Variants in PLEKHH2 observed in about 807,000 individuals in gnomAD.
PLEKHH2 encodes the protein pleckstrin homology, MyTH4 and FERM domain containing H2, also known as pleckstrin homology domain-containing family H member 2.
In PLEKHH2, 129 loss-of-function variants were observed where a neutral mutation model predicts 187.9. The observed-to-expected ratio is 0.69, with a 90% CI of 0.59 to 0.79. The LOEUF (loss-of-function observed/expected upper bound fraction) is 0.79. PLEKHH2 is among the 30% of genes least tolerant of loss of function. The probability of loss-of-function intolerance (pLI) is 0.00; values close to 1 mark genes in which losing one functional copy is unlikely to be tolerated. For synonymous variants in PLEKHH2, 686 were observed against 605.6 expected (o/e 1.13, Z -1.95); for missense variants, 2,076 against 1,751.2 (o/e 1.19, Z -3.31).
At chr2:43,712,161 G>T in intron 14 of PLEKHH2, 64 bp from the exon 15 acceptor site, 1 of 1,551,224 alleles carries the variant, frequency 6.4e-7, no homozygotes, top group South Asian at 1.1e-5. Flanking sequence ...TAATGAACAA[G>T]GAAATGCTAA....
In PLEKHH2 at chr2:43,700,283, G is replaced by C; in HGVS notation, c.1325G>C (p.Arg442Thr). 4 of 1,614,054 alleles carry C rather than the reference G, an allele frequency of 2.5e-6. No individual in the cohort carries two copies. Among genetic ancestry groups the C allele is most frequent in the Non-Finnish European group, 3.4e-6 (4 of 1,179,980 alleles). Residue 442 changes from arginine to threonine, a missense_variant, in exon 8 of 30, where the codon AGG becomes ACG. Physicochemically the swap from Arg to Thr is moderately conservative, Grantham distance 71. Transcript: ENST00000282406. The stretch of plus-strand genomic sequence containing the variant: ...TCACACCTGCCACCCCCAAAGTTAA[G>C]GATTCCTAATGTTTTCAGTATAAGT... ...PSSHLPPPKLRIPNVFSISVA... is the reference protein window; with the variant it reads ...PSSHLPPPKLTIPNVFSISVA...
At chr2:43,743,057 C>G in intron 22 of PLEKHH2, 139 bp downstream of exon 22, 1 of 620,378 alleles carries the variant, frequency 1.6e-6, no homozygotes, top group Non-Finnish European at 2.4e-6. Context: ...ACTATCAGAA[C>G]AGCTGAGTTT....
chr2:43,724,386 C>G (rs935111968), intron 16 of PLEKHH2, among the ~76,000 whole-genome samples: 1 of 152,202 alleles, frequency 6.6e-6, no homozygotes, highest in Non-Finnish European at 1.5e-5. Context: ...ACTCCAATTG[C>G]AAACTTGGCC....
chr2:43,761,257 T>G (rs1425170673), intron 27 of PLEKHH2, among the ~76,000 whole-genome samples: 1 of 152,208 alleles, frequency 6.6e-6, no homozygotes, highest in African/African-American at 2.4e-5. Context: ...TAAGATTTTT[T>G]TTAGGATTTC....
At chr2:43,735,632 A>T (rs1671255511) in intron 19 of PLEKHH2, among the ~76,000 whole-genome samples, 1 of 152,210 alleles carries the variant, frequency 6.6e-6, no homozygotes, top group African/African-American at 2.4e-5. Flanking sequence ...GGGTATCCCA[A>T]TTCCCTTGAT....
chr2:43,654,564 C>CT (rs35454431), intron 2 of PLEKHH2, among the ~76,000 whole-genome samples: 25,093 of 126,192 alleles, frequency 0.2, 2,901 homozygotes, highest in African/African-American at 0.28. Context: ...AACTCCTTAA[C>CT]TTTTTTTTTT....
intron 15 of PLEKHH2, among the ~76,000 whole-genome samples, chr2:43,717,353 G>T (rs1218199238): frequency 6.6e-6 from 1 of 152,198 alleles, no homozygotes; most frequent in Non-Finnish European, 1.5e-5. Context: ...AGGAGGCAGA[G>T]GTTGCAGTGA....
intron 20 of PLEKHH2, among the ~76,000 whole-genome samples, chr2:43,739,002 C>A (rs2104589400): frequency 6.6e-6 from 1 of 152,286 alleles, no homozygotes; most frequent in South Asian, 2.1e-4. Context: ...AGCAATTCTC[C>A]TGCCTCAGCC....
chr2:43,757,148 C>G lies in PLEKHH2; in HGVS notation c.3825C>G (p.Phe1275Leu). The change falls in exon 26 of 30, where the codon TTC (phenylalanine) becomes TTG (leucine). Residue 1275 changes from phenylalanine to leucine, a missense_variant. Phe to Leu is a conservative substitution (Grantham distance 22, BLOSUM62 0). Coordinates refer to ENST00000282406, the MANE Select transcript of PLEKHH2 (RefSeq NM_172069.4). ...QVEIGDFERP[F>L]STPAGHVTNQ... ...AGATTGGAGATTTTGAAAGACCTTT[C>G]TCAACTCCAGCAGGGCATGTTACCA... 6.3e-7 allele frequency: 1 copy of G among 1,587,478 alleles called. No individual in the cohort carries two copies. The highest frequency in any genetic ancestry group is 2.3e-5 in the East Asian group (1 of 43,352).
At position 43,692,580 on chromosome 2, in the gene PLEKHH2, TATA is replaced by T. The variant is rs1490079790; in HGVS notation, c.258_260del (p.Asn86del). The T allele has an allele frequency of 1.9e-6, 3 of 1,604,690 alleles. No homozygotes were observed. Among genetic ancestry groups the T allele is most frequent in the South Asian group, 1.1e-5 (1 of 90,666 alleles). ...AACCAGTGAATCAGAGACAAGATTA[TATA>T]ATAAGTGTCAAGATCTGGAGTCGCT... On this transcript the variant is annotated inframe_deletion, in exon 4 of 30. Transcript: ENST00000282406.
chr2:43,709,750 C>G (rs372356365), intron 11 of PLEKHH2, among the ~76,000 whole-genome samples: 1 of 152,132 alleles, frequency 6.6e-6, no homozygotes, highest in African/African-American at 2.4e-5. Flanking sequence ...GCGGGAGAAT[C>G]GCTTGAACCC....
rs777416612 is a variant in PLEKHH2, at chr2:43,729,688, G to A, written c.2773G>A (p.Val925Ile). Residue 925 changes from valine (V) to isoleucine (I), a missense_variant, in exon 18 of 30, where the codon GTT becomes ATT. Transcript: ENST00000282406. ...TVAAGSNNVN[V>I]GSEFEQLVCK... is the part of the protein sequence containing the mutation. ...TGCAGCTGGAAGCAACAATGTAAAC[G>A]TTGGATCTGAATTTGAACAACTGGT... 19 of 1,609,756 alleles carry A rather than the reference G, an allele frequency of 1.2e-5. No homozygotes were observed. The highest frequency in any genetic ancestry group is 5.4e-5 in the African/African-American group (4 of 74,712).
Position 43,700,247 on chromosome 2 carries a change from T to TC in PLEKHH2, c.1289_1290insC (p.Leu430PhefsTer16). 1 of 1,614,142 alleles carries TC rather than the reference T, an allele frequency of 6.2e-7. No homozygotes were observed. Among genetic ancestry groups the TC allele is most frequent in the Non-Finnish European group, 8.5e-7 (1 of 1,180,022 alleles). ...TCACTCTCTGGAAAAGGAACACAAT[T>TC]AGTGCCTTCATCACACCTGCCACCC... On this transcript the variant is annotated frameshift_variant, in exon 8 of 30. Coordinates refer to ENST00000282406, the MANE Select transcript of PLEKHH2 (RefSeq NM_172069.4). LOFTEE classifies it high-confidence loss of function.
At chr2:43,760,589 C>T (rs115958645) in intron 27 of PLEKHH2, among the ~76,000 whole-genome samples, 1,961 of 152,234 alleles carry the variant, frequency 0.013, 40 homozygotes, top group African/African-American at 0.045. Context: ...TCTCGAACTC[C>T]TGATCTGAAG....
chr2:43,762,573 C>T (rs956155600), intron 28 of PLEKHH2, among the ~76,000 whole-genome samples, 183 bp downstream of exon 28: 13 of 152,110 alleles, frequency 8.5e-5, no homozygotes, highest in Non-Finnish European at 1.0e-4. Context: ...CCTTTTAAAA[C>T]AAGATAAGAC....
intron 24 of PLEKHH2, among the ~76,000 whole-genome samples, chr2:43,750,215 G>A (rs1052740246): frequency 1.3e-5 from 2 of 152,210 alleles, no homozygotes; most frequent in African/African-American, 4.8e-5. Flanking sequence ...GCTCACGCCT[G>A]TAATCCCAGC....
At chr2:43,693,702 CGACT>C in intron 4 of PLEKHH2, among the ~76,000 whole-genome samples, 2 of 107,910 alleles carry the variant, frequency 1.9e-5, no homozygotes, top group Admixed American at 1.1e-4. Flanking sequence ...CCAGCCTGGG[CGACT>C]GAGCGAGACT....
intron 18 of PLEKHH2, among the ~76,000 whole-genome samples, chr2:43,730,629 G>A (rs574663041): frequency 6.6e-6 from 1 of 152,196 alleles, no homozygotes; most frequent in African/African-American, 2.4e-5. Flanking sequence ...GAACTCCTGA[G>A]CTCAAGTAAT....
chr2:43,764,014 G>A (rs994300359), intron 28 of PLEKHH2, among the ~76,000 whole-genome samples: 4 of 151,138 alleles, frequency 2.6e-5, no homozygotes, highest in Non-Finnish European at 4.4e-5. Flanking sequence ...GACTTGTTTC[G>A]GACTCAACAT....
Sources: allele counts gnomAD v4.1 joint callset (sites outside exome capture counted in the v4.1 genomes callset), GRCh38; gene constraint gnomAD v4.1.1; transcripts MANE v1.5; gene names NCBI Gene and HGNC (gene_info 2026-07-23, HGNC 2026-07-21).